Variants in RIMS2 observed in about 807,000 individuals in gnomAD.
RIMS2 encodes regulating synaptic membrane exocytosis protein 2.
In RIMS2, 59 loss-of-function variants were observed where a neutral mutation model predicts 174.4. That is an observed-to-expected ratio of 0.34 (90% CI 0.27 to 0.42). The LOEUF (loss-of-function observed/expected upper bound fraction) is 0.42. Ranked by LOEUF, RIMS2 falls within the 10% of genes least tolerant of loss-of-function variation. The probability of loss-of-function intolerance (pLI) is 1.00; values close to 1 mark genes in which losing one functional copy is unlikely to be tolerated. For missense variants in RIMS2, 1,620 were observed against 1,666.3 expected, an observed-to-expected ratio of 0.97 and a Z score of 0.48; for synonymous variants, 606 against 572.5, an observed-to-expected ratio of 1.06 and a Z score of -0.84.
chr8:103,719,166 T>G (rs1249537203), intron 2 of RIMS2, among the ~76,000 whole-genome samples: 1 of 152,228 alleles, frequency 6.6e-6, no homozygotes, highest in Non-Finnish European at 1.5e-5. Context: ...ATGTTTTAAC[T>G]TGACCAGCCA....
At chr8:103,766,660 G>A (rs2098175293) in intron 3 of RIMS2, 123 bp downstream of exon 6, 3 of 671,046 alleles carry the variant, frequency 4.5e-6, no homozygotes, top group East Asian at 2.7e-5. Context: ...ACATTCATAT[G>A]TTTTACATAA....
chr8:104,027,992 G>A (rs1375783314), intron 19 of RIMS2, among the ~76,000 whole-genome samples: 1 of 152,078 alleles, frequency 6.6e-6, no homozygotes, highest in Non-Finnish European at 1.5e-5. Flanking sequence ...GTGGAATGGT[G>A]TGATAATAAC....
chr8:103,780,145 T>C (rs1027333341), intron 3 of RIMS2, among the ~76,000 whole-genome samples: 2 of 152,180 alleles, frequency 1.3e-5, no homozygotes, highest in Non-Finnish European at 2.9e-5. Flanking sequence ...TGTTACTTGC[T>C]TCTTTCTTCT....
At chr8:103,517,828 G>T (rs1244266942) in intron 1 of RIMS2, among the ~76,000 whole-genome samples, 1 of 151,934 alleles carries the variant, frequency 6.6e-6, no homozygotes, top group Admixed American at 6.6e-5. Context: ...TAGATCTGGG[G>T]TATCCAATCT....
At chr8:103,689,286 C>A (rs1055426951) in intron 1 of RIMS2, among the ~76,000 whole-genome samples, 1 of 151,448 alleles carries the variant, frequency 6.6e-6, no homozygotes, top group Non-Finnish European at 1.5e-5. Context: ...TATGGTCTGC[C>A]CTTGAGAATG....
intron 1 of RIMS2, among the ~76,000 whole-genome samples, chr8:103,575,869 T>G (rs2093193356): frequency 6.6e-6 from 1 of 152,024 alleles, no homozygotes; most frequent in African/African-American, 2.4e-5. Context: ...GCCTAAAGTT[T>G]CCCCAAAACT....
At chr8:104,164,448 G>A (rs557766596) in intron 19 of RIMS2, among the ~76,000 whole-genome samples, 1 of 152,128 alleles carries the variant, frequency 6.6e-6, no homozygotes, top group African/African-American at 2.4e-5. Flanking sequence ...TTACACAAGT[G>A]AAAATACTTG....
chr8:104,118,661 G>T (rs1161419263), intron 19 of RIMS2, among the ~76,000 whole-genome samples: 6 of 152,008 alleles, frequency 3.9e-5, no homozygotes, highest in Admixed American at 6.5e-5. Context: ...GAGCCACCGG[G>T]CCCGACCAAA....
intron 1 of RIMS2, among the ~76,000 whole-genome samples, chr8:103,644,424 T>C (rs1336706574): frequency 6.6e-6 from 1 of 152,126 alleles, no homozygotes. Flanking sequence ...CCAAGATCTT[T>C]ATATGTCAGA....
intron 14 of RIMS2, among the ~76,000 whole-genome samples, chr8:103,949,213 A>G (rs1033166564): frequency 6.6e-6 from 1 of 152,020 alleles, no homozygotes; most frequent in African/African-American, 2.4e-5. Context: ...AAATGCAGTA[A>G]TAAAACTACA....
At position 103,922,038 on chromosome 8, in the gene RIMS2, A is replaced by T. The variant is rs537901079; in HGVS notation, c.2196+254A>T. The T allele has an allele frequency of 2.5e-4, 59 of 237,248 alleles. No homozygotes were observed. In the Admixed American group the frequency reaches 2.5e-3, roughly 10 times the overall value. 14.7% of individuals were successfully genotyped at this position (237,248 alleles called of 1,614,324 possible). On this transcript the variant is annotated intron_variant, in intron 10 of 23. Transcript: ENST00000504942. ...GTACCTAAACTTTTTTATGTTAGTA[A>T]TTATAACAAAATTCAAGTTCATAAT...
chr8:103,973,138 T>A (rs2093065829), intron 15 of RIMS2, among the ~76,000 whole-genome samples: 1 of 152,236 alleles, frequency 6.6e-6, no homozygotes, highest in South Asian at 2.1e-4. Flanking sequence ...CAGCTTCATT[T>A]TCCTAAAGTA....
chr8:104,032,604 A>C (rs2096420387), intron 19 of RIMS2, among the ~76,000 whole-genome samples: 1 of 152,042 alleles, frequency 6.6e-6, no homozygotes, highest in Non-Finnish European at 1.5e-5. Context: ...TAACTAAAAA[A>C]CCAGTACTAC....
At chr8:103,568,022 C>T (rs2092507559) in intron 1 of RIMS2, among the ~76,000 whole-genome samples, 1 of 152,132 alleles carries the variant, frequency 6.6e-6, no homozygotes, top group African/African-American at 2.4e-5. Flanking sequence ...AATCCCAGCA[C>T]ATTGAGAGGT....
chr8:103,558,021 C>A (rs186604808), intron 1 of RIMS2, among the ~76,000 whole-genome samples: 1 of 152,110 alleles, frequency 6.6e-6, no homozygotes, highest in East Asian at 1.9e-4. Context: ...TTTCTGTGAT[C>A]TTAAAGTTTT....
intron 2 of RIMS2, among the ~76,000 whole-genome samples, chr8:103,721,125 A>G (rs2097441850): frequency 6.6e-6 from 1 of 152,088 alleles, no homozygotes; most frequent in Admixed American, 6.6e-5. Context: ...GTTTAAAAGT[A>G]TGTAACTCTT....
Position 104,159,010 on chromosome 8 carries a change from A to G in RIMS2, c.3335-85906A>G, listed in dbSNP as rs962937512. Among the ~76,000 whole-genome samples, 27 of 152,222 alleles carry G rather than the reference A, an allele frequency of 1.8e-4. No homozygotes were observed. In the East Asian group the frequency reaches 2.7e-3, roughly 15 times the overall value. ...AATGGTATTGCCTAGGTTTTCTTCT[A>G]GGGTTTTTATGGTTTTAGGTCTTAC... On this transcript the variant is annotated intron_variant, in intron 19 of 23. Transcript: ENST00000504942.
At position 103,663,185 on chromosome 8, in the gene RIMS2, T is replaced by A. The variant is rs181740643; in HGVS notation, c.177-33901T>A. On this transcript the variant is annotated intron_variant, in intron 1 of 23. Coordinates refer to ENST00000504942, the Ensembl canonical transcript of RIMS2. ...GATTCTGTCTCAAAAAAAAAAAAAATTTTTTTTCTGGAGGAAAAGACTCTC... is the reference window on the plus strand; with the variant it reads ...GATTCTGTCTCAAAAAAAAAAAAAAATTTTTTTCTGGAGGAAAAGACTCTC... Among the ~76,000 whole-genome samples, 1,267 of 148,644 alleles carry A rather than the reference T, an allele frequency of 8.5e-3. 13 individuals carry two copies. The highest frequency in any genetic ancestry group is 0.024 in the African/African-American group (987 of 40,586).
chr8:103,656,348 GAT>G (rs1392043590), intron 1 of RIMS2, among the ~76,000 whole-genome samples: 1 of 152,146 alleles, frequency 6.6e-6, no homozygotes, highest in East Asian at 1.9e-4. Flanking sequence ...ACTGGCCAGA[GAT>G]ATATTTTTGA....
Sources: allele counts gnomAD v4.1 joint callset (sites outside exome capture counted in the v4.1 genomes callset), GRCh38; gene constraint gnomAD v4.1.1; transcripts MANE v1.5; gene names NCBI Gene and HGNC (gene_info 2026-07-23, HGNC 2026-07-21).